The following DLC1 variants were observed in gnomAD, a reference collection of about 807,000 sequenced individuals.
DLC1 encodes rho GTPase-activating protein 7.
DLC1 carries 54 observed loss-of-function variants against 140.3 expected under a neutral mutation model. The observed-to-expected ratio is 0.38, with a 90% CI of 0.31 to 0.48. The LOEUF (loss-of-function observed/expected upper bound fraction) is 0.48, where lower values mean the gene tolerates loss of function less well. Ranked by LOEUF, DLC1 falls within the 20% of genes least tolerant of loss-of-function variation. The pLI, the probability that DLC1 is intolerant of heterozygous loss-of-function variation, is 0.96. For synonymous variants in DLC1, 986 were observed against 728.1 expected, an observed-to-expected ratio of 1.35 and a Z score of -5.70; for missense variants, 2,536 against 1,907.0, an observed-to-expected ratio of 1.33 and a Z score of -6.14.
intron 5 of DLC1, among the ~76,000 whole-genome samples, chr8:13,159,610 A>T (rs983861779): frequency 1.1e-4 from 16 of 152,208 alleles, no homozygotes; most frequent in African/African-American, 3.9e-4. Context: ...TCCTCTCCCC[A>T]TACCCCATCA....
chr8:13,466,083 A>G (rs954009957), intron 2 of DLC1, among the ~76,000 whole-genome samples: 4 of 152,176 alleles, frequency 2.6e-5, no homozygotes, highest in Admixed American at 2.0e-4. Flanking sequence ...CGGGGCAGAT[A>G]TACTGCAACG....
intron 2 of DLC1, among the ~76,000 whole-genome samples, chr8:13,476,218 T>G (rs977546987): frequency 1.3e-5 from 2 of 152,250 alleles, no homozygotes; most frequent in African/African-American, 4.8e-5. Context: ...TATAAAAGTT[T>G]TTAATGGCTT....
At chr8:13,381,346 TG>T (rs1266823682) in intron 4 of DLC1, among the ~76,000 whole-genome samples, 2 of 151,940 alleles carry the variant, frequency 1.3e-5, no homozygotes, top group Non-Finnish European at 2.9e-5. Flanking sequence ...AAAAAGGAGG[TG>T]CAAAGGCCAC....
chr8:13,159,856 TGA>T (rs1491192250), intron 5 of DLC1, among the ~76,000 whole-genome samples: 4 of 144,042 alleles, frequency 2.8e-5, no homozygotes, highest in African/African-American at 1.0e-4. Flanking sequence ...AAACCTGGTT[TGA>T]AAAAAAAAAA....
At chr8:13,325,666 C>T (rs143388542) in intron 4 of DLC1, among the ~76,000 whole-genome samples, 147 of 152,126 alleles carry the variant, frequency 9.7e-4, no homozygotes, top group East Asian at 5.0e-3. Flanking sequence ...AATGCTATAA[C>T]GATTTAGGAA....
intron 4 of DLC1, among the ~76,000 whole-genome samples, chr8:13,334,548 G>A (rs1468212417): frequency 1.3e-5 from 2 of 152,166 alleles, no homozygotes; most frequent in African/African-American, 2.4e-5. Context: ...GACCAAACCA[G>A]GTTTGTGGGA....
intron 4 of DLC1, among the ~76,000 whole-genome samples, chr8:13,316,820 T>A (rs1042016724): frequency 6.6e-6 from 1 of 152,164 alleles, no homozygotes. Context: ...GCAGTATCCC[T>A]TGTGTTTCTC....
chr8:13,429,359 T>A (rs1838754666), intron 2 of DLC1, among the ~76,000 whole-genome samples: 1 of 152,174 alleles, frequency 6.6e-6, no homozygotes, highest in South Asian at 2.1e-4. Context: ...AACTGTTGAG[T>A]TTTATGCAAT....
At chr8:13,195,297 C>T (rs1340477376) in intron 5 of DLC1, among the ~76,000 whole-genome samples, 2 of 152,128 alleles carry the variant, frequency 1.3e-5, no homozygotes, top group Admixed American at 6.5e-5. Flanking sequence ...ATTTTGTCAG[C>T]AATTGGAGAT....
At chr8:13,495,054 G>C (rs538442875) in intron 2 of DLC1, among the ~76,000 whole-genome samples, 3 of 152,174 alleles carry the variant, frequency 2.0e-5, no homozygotes, top group Admixed American at 6.5e-5. Context: ...TGTAGAATTA[G>C]GTGTCTTCTT....
At chr8:13,483,906 C>A (rs913926849) in intron 2 of DLC1, among the ~76,000 whole-genome samples, 2 of 151,896 alleles carry the variant, frequency 1.3e-5, no homozygotes, top group African/African-American at 4.8e-5. Context: ...ACAGGGTGAA[C>A]CCAAATCTCT....
At chr8:13,198,559 A>AT (rs1827200348) in intron 5 of DLC1, among the ~76,000 whole-genome samples, 1 of 152,238 alleles carries the variant, frequency 6.6e-6, no homozygotes, top group African/African-American at 2.4e-5. Flanking sequence ...ATGACTTCAA[A>AT]TTTTTCTTTT....
intron 1 of DLC1, among the ~76,000 whole-genome samples, chr8:13,602,710 T>A (rs1303242345): frequency 4.0e-5 from 6 of 151,874 alleles, no homozygotes; most frequent in African/African-American, 1.2e-4. Flanking sequence ...ACAAGATAAT[T>A]TTTCCCCAGT....
chr8:13,555,725 C>T (rs1423343883), intron 1 of DLC1, among the ~76,000 whole-genome samples: 1 of 151,704 alleles, frequency 6.6e-6, no homozygotes, highest in East Asian at 1.9e-4. Flanking sequence ...TGGTCTCAAA[C>T]TCCTGGCCTC....
At chr8:13,149,813 G>A (rs1823679983) in intron 5 of DLC1, among the ~76,000 whole-genome samples, 1 of 152,232 alleles carries the variant, frequency 6.6e-6, no homozygotes, top group Non-Finnish European at 1.5e-5. Flanking sequence ...GTGATTGTGA[G>A]ACCAAAGCTC....
At position 13,423,080 on chromosome 8, in the gene DLC1, A is replaced by G. The variant is rs149336633; in HGVS notation, c.1024-21461T>C. On this transcript the variant is annotated intron_variant, in intron 2 of 17. Transcript: ENST00000276297. ...TCTAGCTCAGTTCTTATTGCAAAGCACAGTGAAAGGCACAACTAAACACAA... is the reference window on the plus strand; with the variant it reads ...TCTAGCTCAGTTCTTATTGCAAAGCGCAGTGAAAGGCACAACTAAACACAA... Among the ~76,000 whole-genome samples, 359 of 152,324 alleles carry G rather than the reference A, an allele frequency of 2.4e-3. 2 individuals carry two copies. Among genetic ancestry groups the G allele is most frequent in the African/African-American group, 7.8e-3 (325 of 41,566 alleles).
At chr8:13,452,148 T>C (rs1277654959) in intron 2 of DLC1, among the ~76,000 whole-genome samples, 1 of 151,558 alleles carries the variant, frequency 6.6e-6, no homozygotes, top group Non-Finnish European at 1.5e-5. Flanking sequence ...TGAAGAGTTA[T>C]CTAATGAAAA....
Position 13,233,308 on chromosome 8 carries a change from A to T in DLC1, c.1348+71961T>A, listed in dbSNP as rs1215691182. ...AGACTCTGTATAAAAAAAAAAAAAA[A>T]AAAAAAAAAAAAAAAAAGAGTAGTG... On this transcript the variant is annotated intron_variant, in intron 5 of 17. Transcript: ENST00000276297. Among the ~76,000 whole-genome samples, 17 of 145,540 alleles carry T rather than the reference A, an allele frequency of 1.2e-4. No homozygotes were observed. In the East Asian group the frequency reaches 1.4e-3, roughly 12 times the overall value.
chr8:13,268,819 G>A (rs147215583), intron 5 of DLC1, among the ~76,000 whole-genome samples: 249 of 150,676 alleles, frequency 1.7e-3, no homozygotes, highest in African/African-American at 5.9e-3. Flanking sequence ...ATTTAAACCC[G>A]TGTTTCTCAA....
Sources: gnomAD v4.1 joint callset for allele counts (sites outside exome capture counted in the v4.1 genomes callset) on GRCh38, gnomAD v4.1.1 for gene constraint, MANE v1.5 for transcripts, NCBI Gene and HGNC (gene_info 2026-07-23, HGNC 2026-07-21) for gene names.